BRMS1: variants seen among roughly 807,000 people sequenced by gnomAD.
The protein encoded by BRMS1 is BRMS1 transcriptional repressor and anoikis regulator, also known as breast cancer metastasis-suppressor 1.
BRMS1 carries 26 observed loss-of-function variants against 40.4 expected under a neutral mutation model. The ratio of observed to expected loss-of-function variants is 0.64; its 90% confidence interval spans 0.47 to 0.89. The LOEUF (loss-of-function observed/expected upper bound fraction) is 0.89. BRMS1 is among the 40% of genes least tolerant of loss of function. The probability of loss-of-function intolerance (pLI) is 0.00; values close to 1 mark genes in which losing one functional copy is unlikely to be tolerated. For missense variants in BRMS1, 289 were observed against 309.4 expected, an observed-to-expected ratio of 0.93 and a Z score of 0.49; for synonymous variants, 103 against 116.0, an observed-to-expected ratio of 0.89 and a Z score of 0.72.
In BRMS1 at chr11:66,340,829, C is replaced by T. The variant is rs1855048319; in HGVS notation, c.480G>A (p.Leu160=). 1.2e-6 allele frequency: 2 copies of T among 1,613,884 alleles called. No homozygotes were observed. The highest frequency in any genetic ancestry group is 1.3e-5 in the African/African-American group (1 of 74,926). The change falls in exon 6 of 10, where the codon CTG becomes CTA. Residue 160 remains leucine, a synonymous_variant. Coordinates refer to ENST00000359957, the MANE Select transcript of BRMS1 (RefSeq NM_015399.4). ...CCTCCAGCCTCTGGATCCGCTCCTG[C>T]AGCTCCCCCTGCAGCGTGTCATAGA... is the stretch of plus-strand genomic sequence containing the variant. The part of the protein sequence containing the change: ...LLLYDTLQGE[L]QERIQRLEED...
chr11:66,341,344 A>G lies in BRMS1; in HGVS notation c.231-11T>C. The G allele has an allele frequency of 1.2e-6, 2 of 1,610,712 alleles. No homozygotes were observed. The highest frequency in any genetic ancestry group is 4.5e-5 in the East Asian group (2 of 44,780). On this transcript the variant is annotated splice_polypyrimidine_tract_variant and intron_variant, in intron 3 of 9. Transcript: ENST00000359957. This position sits in a 1 kb window ranked among gnomAD's most constrained non-coding sequence, Gnocchi z 4.9. ...CGTTCCCTGAACAACCTGCGTGGTA[A>G]AAAGGCAGCCGTGCACCCATTTGCT...
In BRMS1 at chr11:66,341,778, T is replaced by C. The variant is rs1194568789; in HGVS notation, c.140-155A>G. 1.3e-5 allele frequency among the ~76,000 whole-genome samples: 2 copies of C among 151,404 alleles called. No homozygotes were observed. Among genetic ancestry groups the C allele is most frequent in the African/African-American group, 2.4e-5 (1 of 41,170 alleles). The stretch of plus-strand genomic sequence containing the variant: ...CATGCTTGTGTGAAGGGGCTGTGTG[T>C]GTGCGTGTGTGCTTGTGTGTAGGGG... On this transcript the variant is annotated intron_variant, in intron 2 of 9. Transcript: ENST00000359957. This position sits in a 1 kb window ranked among gnomAD's most constrained non-coding sequence, Gnocchi z 4.9.
At position 66,340,225 on chromosome 11, in the gene BRMS1, C is replaced by T; in HGVS notation, c.536-12G>A. 1 of 1,611,660 alleles carries T rather than the reference C, an allele frequency of 6.2e-7. No homozygotes were observed. The highest frequency in any genetic ancestry group is 8.5e-7 in the Non-Finnish European group (1 of 1,178,280). On this transcript the variant is annotated splice_polypyrimidine_tract_variant and intron_variant, in intron 6 of 9. Coordinates refer to ENST00000359957, the MANE Select transcript of BRMS1 (RefSeq NM_015399.4). ...GTCATCCCACCATTCTGCCCCGAGA[C>T]CCAGAGTTAGAATTGGGGTGCTGGC...
At chr11:66,340,272 G>T in intron 6 of BRMS1, 59 bp from the exon 7 acceptor site, 1 of 1,472,220 alleles carries the variant, frequency 6.8e-7, no homozygotes, top group Non-Finnish European at 9.5e-7. Flanking sequence ...TCCCTTTTCT[G>T]TAGCCTCTGC....
Position 66,341,821 on chromosome 11 carries a change from T to A in BRMS1, c.140-198A>T. 1 of 671,388 alleles carries A rather than the reference T, an allele frequency of 1.5e-6. No homozygotes were observed. The highest frequency in any genetic ancestry group is 2.7e-5 in the East Asian group (1 of 36,746). 41.6% of individuals were successfully genotyped at this position (671,388 alleles called of 1,614,324 possible). ...TGTAGGGGCTGTGTGTGCATATGCG[T>A]GCGTGCTTGTGTGAAGGGGCTGTGT... On this transcript the variant is annotated intron_variant, in intron 2 of 9. Transcript: ENST00000359957. This position sits in a 1 kb window ranked among gnomAD's most constrained non-coding sequence, Gnocchi z 4.9.
Position 66,340,877 on chromosome 11 carries a change from G to A in BRMS1, c.439-7C>T. On this transcript the variant is annotated splice_polypyrimidine_tract_variant and splice_region_variant and intron_variant, in intron 5 of 9. Coordinates refer to ENST00000359957, the MANE Select transcript of BRMS1 (RefSeq NM_015399.4). ...AGAGCAGCAGCTTCTCACTCTGGAA[G>A]AGGGGGCAATAGCTCAGCAGGACGG... 1 of 1,614,060 alleles carries A rather than the reference G, an allele frequency of 6.2e-7. No homozygotes were observed. Among genetic ancestry groups the A allele is most frequent in the Non-Finnish European group, 8.5e-7 (1 of 1,179,958 alleles).
chr11:66,342,710 C>T (rs145985823), intron 1 of BRMS1, among the ~76,000 whole-genome samples: 69 of 152,276 alleles, frequency 4.5e-4, no homozygotes, highest in African/African-American at 1.4e-3. Context: ...AGATTACAGG[C>T]GCCCGCACCA....
At chr11:66,340,646 C>A in intron 6 of BRMS1, 128 bp downstream of exon 6, 1 of 762,752 alleles carries the variant, frequency 1.3e-6, no homozygotes, top group Non-Finnish European at 2.1e-6. Flanking sequence ...CTCCTTCAGC[C>A]CTCACACTGA....
intron 6 of BRMS1, 70 bp downstream of exon 6, chr11:66,340,704 G>A: frequency 7.5e-7 from 1 of 1,341,468 alleles, no homozygotes; most frequent in East Asian, 2.5e-5. Context: ...CAGGACATCT[G>A]AAGCCCAAAG....
chr11:66,344,249 C>T (rs114164723), intron 1 of BRMS1, among the ~76,000 whole-genome samples: 1,646 of 152,336 alleles, frequency 0.011, 28 homozygotes, highest in African/African-American at 0.038. Flanking sequence ...GTGAGACAGA[C>T]ATTAGTTTTT....
chr11:66,344,225 CA>C (rs1307183471), intron 1 of BRMS1, among the ~76,000 whole-genome samples: 1 of 152,164 alleles, frequency 6.6e-6, no homozygotes, highest in African/African-American at 2.4e-5. Context: ...ACAAATTTAA[CA>C]AAAAAATTTT....
Position 66,342,150 on chromosome 11 carries a change from C to T in BRMS1, c.85G>A (p.Glu29Lys), listed in dbSNP as rs763888379. Residue 29 changes from glutamate (E) to lysine (K), a missense_variant, in exon 2 of 10, where the codon GAG becomes AAG. Glu to Lys is a moderately conservative substitution (Grantham distance 56). Transcript: ENST00000359957. ...CTGCCGCTCCGCTCCTCCTCACTCTCTTCCTCCTCCCCATTCATCTCAGCA... is the reference window on the plus strand; with the variant it reads ...CTGCCGCTCCGCTCCTCCTCACTCTTTTCCTCCTCCCCATTCATCTCAGCA... ...SAAEMNGEEE[E>K]SEEERSGSQT... 4 of 1,613,958 alleles carry T rather than the reference C, an allele frequency of 2.5e-6. No homozygotes were observed. In the Admixed American group the frequency reaches 6.7e-5, roughly 27 times the overall value.
intron 1 of BRMS1, 141 bp from the exon 2 acceptor site, chr11:66,342,382 T>G (rs1340445822): frequency 1.8e-6 from 2 of 1,090,466 alleles, no homozygotes; most frequent in Non-Finnish European, 2.6e-6. Flanking sequence ...GAGCACAAAC[T>G]GGGTGACAAG....
Position 66,339,231 on chromosome 11 carries a change from T to C in BRMS1, c.629-446A>G, listed in dbSNP as rs182314694. ...AGATTCCTCCCTCCCTGCCTGGGCC[T>C]GCTCTCCAGCACCAGGTTGCCATAA... On this transcript the variant is annotated intron_variant, in intron 7 of 9. Coordinates refer to ENST00000359957, the MANE Select transcript of BRMS1 (RefSeq NM_015399.4). Among the ~76,000 whole-genome samples, 674 of 152,302 alleles carry C rather than the reference T, an allele frequency of 4.4e-3. 2 individuals are homozygous for C. The highest frequency in any genetic ancestry group is 0.014 in the African/African-American group (593 of 41,564).
At chr11:66,342,056 C>CTGTGTGTGTGTGTG in intron 2 of BRMS1, 40 bp downstream of exon 2, 1 of 1,490,340 alleles carries the variant, frequency 6.7e-7, no homozygotes, top group East Asian at 2.4e-5. Flanking sequence ...TGTAGGGGCT[C>CTGTGTGTGTGTGTG]TGTGTGTGTG....
chr11:66,341,397 C>T lies in BRMS1; in HGVS notation c.231-64G>A. The T allele has an allele frequency of 6.2e-7, 1 of 1,604,364 alleles. No homozygotes were observed. The highest frequency in any genetic ancestry group is 8.5e-7 in the Non-Finnish European group (1 of 1,173,052). ...CCCATCGCTCTTGGGCAAACACATA[C>T]CCAGCACCCATTCCACAGCAAGCCC... On this transcript the variant is annotated intron_variant, in intron 3 of 9. Transcript: ENST00000359957. The surrounding 1 kb of genome is among the most constrained non-coding windows in gnomAD (Gnocchi z 4.9).
Position 66,341,226 on chromosome 11 carries a change from T to C in BRMS1, c.338A>G (p.Lys113Arg), listed in dbSNP as rs758384368. ...CAGACCTGCCACCTGAATGCGAATC[T>C]TGAGGCTCCGCTGCAGCCCCCCAAG... ...EPLGGLQRSL[K>R]IRIQVAGIYK... The change falls in exon 4 of 10, where the codon AAG becomes AGG. Residue 113 changes from lysine (K) to arginine (R), a missense_variant. Lys to Arg is a conservative substitution (Grantham distance 26, BLOSUM62 2). Transcript: ENST00000359957. This position sits in a 1 kb window ranked among gnomAD's most constrained non-coding sequence, Gnocchi z 4.9. 1.2e-5 allele frequency: 20 copies of C among 1,612,470 alleles called. No individual in the cohort carries two copies. In the Admixed American group the frequency reaches 3.3e-4, roughly 27 times the overall value.
Position 66,340,208 on chromosome 11 carries a change from A to G in BRMS1, c.541T>C (p.Trp181Arg), listed in dbSNP as rs1855035077. Residue 181 changes from tryptophan (W) to arginine (R), a missense_variant, in exon 7 of 10, where the codon TGG becomes CGG. By Grantham distance (101) the Trp-to-Arg change is moderately radical (BLOSUM62 -3). Coordinates refer to ENST00000359957, the MANE Select transcript of BRMS1 (RefSeq NM_015399.4). Reference sequence around the variant, plus strand: ...CCTCTGGCGTGCAGTTTGTCATCCCACCATTCTGCCCCGAGACCCAGAGTT... The same window carrying G: ...CCTCTGGCGTGCAGTTTGTCATCCCGCCATTCTGCCCCGAGACCCAGAGTT... ...RQSLDLSSEW[W>R]DDKLHARGSS... is the part of the protein sequence containing the mutation. The G allele has an allele frequency of 6.2e-7, 1 of 1,613,008 alleles. No individual in the cohort carries two copies. The highest frequency in any genetic ancestry group is 8.5e-7 in the Non-Finnish European group (1 of 1,179,654).
chr11:66,338,696 T>G lies in BRMS1; in HGVS notation c.693+25A>C, dbSNP rs781042007. 6 of 1,612,508 alleles carry G rather than the reference T, an allele frequency of 3.7e-6. No homozygotes were observed. The South Asian group carries it at 6.6e-5, about 18-fold the overall frequency. On this transcript the variant is annotated intron_variant, in intron 8 of 9. Transcript: ENST00000359957. The stretch of plus-strand genomic sequence containing the variant: ...GTGGGGGGCCCTGAGGTGGGGCAGG[T>G]CACGTGGGCAGCAGCGGCCCCCACC...
Sources: gnomAD v4.1 joint callset for allele counts (sites outside exome capture counted in the v4.1 genomes callset) on GRCh38, gnomAD v4.1.1 for gene constraint, Gnocchi (gnomAD v3.1) non-coding constraint, MANE v1.5 for transcripts, NCBI Gene and HGNC (gene_info 2026-07-23, HGNC 2026-07-21) for gene names.